The following ALDH1A3 variants were observed in gnomAD, a reference collection of about 807,000 sequenced individuals.
ALDH1A3 encodes the protein aldehyde dehydrogenase 1 family member A3, also known as retinaldehyde dehydrogenase 3.
Under a neutral mutation model 57.5 loss-of-function variants are expected in ALDH1A3, and 28 were observed. That is an observed-to-expected ratio of 0.49 (90% confidence interval 0.36 to 0.67). ALDH1A3 has a LOEUF of 0.67. Ranked by LOEUF, ALDH1A3 falls within the 30% of genes least tolerant of loss-of-function variation. The pLI is 0.00. For synonymous variants in ALDH1A3, 281 were observed against 264.8 expected, an observed-to-expected ratio of 1.06 and a Z score of -0.59; for missense variants, 507 against 669.4, an observed-to-expected ratio of 0.76 and a Z score of 2.68.
At chr15:100,895,737 G>A in intron 6 of ALDH1A3, 196 bp from the exon 7 acceptor site, 2 of 594,258 alleles carry the variant, frequency 3.4e-6, no homozygotes, top group East Asian at 2.8e-5. Flanking sequence ...TGCACACTGG[G>A]CTGGCAGCAG....
chr15:100,908,602 C>T, intron 12 of ALDH1A3, 120 bp downstream of exon 12: 1 of 871,770 alleles, frequency 1.1e-6, no homozygotes, highest in Non-Finnish European at 1.8e-6. Flanking sequence ...GCCGCTCTGT[C>T]TGGGCCAGCT....
At chr15:100,896,349 G>A (rs1288408533) in intron 7 of ALDH1A3, among the ~76,000 whole-genome samples, 2 of 152,000 alleles carry the variant, frequency 1.3e-5, no homozygotes, top group Non-Finnish European at 2.9e-5. Context: ...GAGAAAAATA[G>A]TCGTGATGCA....
chr15:100,900,875 C>A, intron 9 of ALDH1A3, 116 bp downstream of exon 9: 1 of 1,152,754 alleles, frequency 8.7e-7, no homozygotes, highest in Non-Finnish European at 1.2e-6. Flanking sequence ...CCTGTCCTGC[C>A]CAGGAGGCTT....
rs553411329 is a variant in ALDH1A3 at position 100,910,746 on chromosome 15, TG to T, written c.1466+2267del. On this transcript the variant is annotated intron_variant, in intron 12 of 12. Coordinates refer to ENST00000329841, the MANE Select transcript of ALDH1A3 (RefSeq NM_000693.4). ...CTTTCATCTGCTGCCTTCAACCAGC[TG>T]GGTCATTAGGGCTGGGGAACCCAGA... Among the ~76,000 whole-genome samples the T allele has an allele frequency of 1.7e-4, 26 of 152,326 alleles. No homozygotes were observed. In the South Asian group the frequency reaches 5.4e-3, roughly 32 times the overall value.
intron 9 of ALDH1A3, among the ~76,000 whole-genome samples, chr15:100,901,087 G>C (rs972872187): frequency 1.3e-5 from 2 of 152,146 alleles, no homozygotes; most frequent in Non-Finnish European, 1.5e-5. Context: ...TGCAGGCAGC[G>C]TGTGGCCTGG....
chr15:100,885,311 G>A lies in ALDH1A3; in HGVS notation c.144G>A (p.Lys48=), dbSNP rs2041584525. 1.2e-6 allele frequency: 2 copies of A among 1,613,952 alleles called. No homozygotes were observed. The highest frequency in any genetic ancestry group is 1.1e-5 in the South Asian group (1 of 91,084). ...NEWHESKSGK[K]FATCNPSTRE... ...GGCACGAATCCAAGAGTGGGAAAAA[G>A]TTTGCTACATGTAACCCTTCAACTC... is the stretch of plus-strand genomic sequence containing the variant. The change falls in exon 2 of 13, where the codon AAG becomes AAA. Residue 48 remains lysine (K), a synonymous_variant. Coordinates refer to ENST00000329841, the MANE Select transcript of ALDH1A3 (RefSeq NM_000693.4).
At chr15:100,907,809 T>C (rs1043793001) in intron 11 of ALDH1A3, among the ~76,000 whole-genome samples, 1 of 150,196 alleles carries the variant, frequency 6.7e-6, no homozygotes, top group African/African-American at 2.4e-5. Context: ...TTCTTATTCC[T>C]CTACACCCTG....
intron 3 of ALDH1A3, among the ~76,000 whole-genome samples, chr15:100,891,847 C>T (rs1476219987): frequency 1.3e-5 from 2 of 152,252 alleles, no homozygotes; most frequent in Non-Finnish European, 2.9e-5. Context: ...CATTGAGTGG[C>T]TGCACACTCG....
chr15:100,913,713 A>G (rs2041904880), intron 12 of ALDH1A3: 1 of 152,214 alleles, frequency 6.6e-6, no homozygotes, highest in Admixed American at 6.5e-5. Context: ...TCTGCCTACG[A>G]TAGTAGGGCT....
At position 100,893,187 on chromosome 15, in the gene ALDH1A3, T is replaced by G; in HGVS notation, c.537+181T>G. On this transcript the variant is annotated intron_variant, in intron 5 of 12. Transcript: ENST00000329841. This position sits in a 1 kb window ranked among gnomAD's most constrained non-coding sequence, Gnocchi z 4.8. ...GAGATGGATTAGACCCCATTTCTGCTCTCCTAAGACCGGCTTTAGGCATGC... is the reference window on the plus strand; with the variant it reads ...GAGATGGATTAGACCCCATTTCTGCGCTCCTAAGACCGGCTTTAGGCATGC... 1.9e-6 allele frequency: 1 copy of G among 533,414 alleles called. No homozygotes were observed. The highest frequency in any genetic ancestry group is 3.2e-5 in the Admixed American group (1 of 30,800). 33.0% of individuals were successfully genotyped at this position (533,414 alleles called of 1,614,324 possible). A position where few individuals can be genotyped will look rare whatever the true frequency, so the allele number is the denominator to read the frequency against.
rs749906748 is a variant in ALDH1A3, at chr15:100,892,428, C to G, written c.346-82C>G. ...GCAATGTCCTAGGACTGTGTTCTCT[C>G]CCCAACTTCCATCTTTAACAACCTG... On this transcript the variant is annotated intron_variant, in intron 3 of 12. Transcript: ENST00000329841. 7.5e-5 allele frequency: 119 copies of G among 1,593,058 alleles called. 1 individual carries two copies. The highest frequency in any genetic ancestry group is 6.7e-4 in the Middle Eastern group (4 of 5,984).
intron 6 of ALDH1A3, chr15:100,895,690 C>A (rs922334762): frequency 8.3e-5 from 46 of 556,534 alleles, no homozygotes; most frequent in African/African-American, 7.1e-4. Context: ...GGGGTCCCCC[C>A]CCAGAAGGAG....
intron 1 of ALDH1A3, chr15:100,880,261 C>T (rs866463639): frequency 5.2e-6 from 2 of 387,362 alleles, no homozygotes; most frequent in Non-Finnish European, 9.1e-6. Flanking sequence ...CCGCGCGGGG[C>T]CGGGCCGCCC....
At chr15:100,914,501 T>G in intron 12 of ALDH1A3, 200 bp from the exon 13 acceptor site, 1 of 508,394 alleles carries the variant, frequency 2.0e-6, no homozygotes, top group Non-Finnish European at 3.5e-6. Flanking sequence ...ACCTTGATAT[T>G]TACATTTAAG....
Position 100,908,324 on chromosome 15 carries a change from T to C in ALDH1A3, c.1392-84T>C. ...AAAGACTGTTTATTAGACAATGCCCTGCACTGGGGGCTAAGTGGCTGCAGT... is the reference window on the plus strand; with the variant it reads ...AAAGACTGTTTATTAGACAATGCCCCGCACTGGGGGCTAAGTGGCTGCAGT... On this transcript the variant is annotated intron_variant, in intron 11 of 12. Coordinates refer to ENST00000329841, the MANE Select transcript of ALDH1A3 (RefSeq NM_000693.4). The C allele has an allele frequency of 2.6e-6, 3 of 1,143,788 alleles. No individual in the cohort carries two copies. In the Admixed American group the frequency reaches 5.4e-5, roughly 21 times the overall value. The allele number at this position is 1,143,788 out of a possible 1,614,324, so 70.9% of individuals were successfully genotyped here.
At position 100,909,861 on chromosome 15, in the gene ALDH1A3, C is replaced by T. The variant is rs573504980; in HGVS notation, c.1466+1379C>T. On this transcript the variant is annotated intron_variant, in intron 12 of 12. Transcript: ENST00000329841. ...GTTCCCAAGGAACCATCTGTGACAA[C>T]ACCCCAGGTTCCTGGGACATCTCTA... Among the ~76,000 whole-genome samples, 40 of 152,388 alleles carry T rather than the reference C, an allele frequency of 2.6e-4. No homozygotes were observed. In the South Asian group the frequency reaches 7.2e-3, roughly 28 times the overall value.
chr15:100,907,094 C>T (rs1199756798), intron 10 of ALDH1A3, 27 bp from the exon 11 acceptor site: 3 of 1,608,264 alleles, frequency 1.9e-6, no homozygotes, highest in Non-Finnish European at 2.6e-6. Context: ...TCATGCCTCT[C>T]ATTGCCATTC....
chr15:100,893,769 C>T lies in ALDH1A3; in HGVS notation c.538-185C>T, dbSNP rs2141556133. On this transcript the variant is annotated intron_variant, in intron 5 of 12. Coordinates refer to ENST00000329841, the MANE Select transcript of ALDH1A3 (RefSeq NM_000693.4). This position sits in a 1 kb window ranked among gnomAD's most constrained non-coding sequence, Gnocchi z 4.8. ...GCAAAGGCTGCCTATTAGTACCACC[C>T]AGAATGCAGTTTAGGAAGTGCTGTG... 1.4e-6 allele frequency: 1 copy of T among 703,104 alleles called. No homozygotes were observed. Among genetic ancestry groups the T allele is most frequent in the Non-Finnish European group, 2.3e-6 (1 of 442,882 alleles). 43.6% of individuals were successfully genotyped at this position (703,104 alleles called of 1,614,324 possible). A position where few individuals can be genotyped will look rare whatever the true frequency, so the allele number is the denominator to read the frequency against.
rs4646661 is a variant in ALDH1A3 at position 100,887,948 on chromosome 15, T to G, written c.345+236T>G. On this transcript the variant is annotated intron_variant, in intron 3 of 12. Transcript: ENST00000329841. The surrounding 1 kb of genome is among the most constrained non-coding windows in gnomAD (Gnocchi z 4.6). ...CTGCAGCTCAGCTTCTTGACCAAGT[T>G]GTTGTCTATAGGCAGTTGAGCTACA... 0.011 allele frequency among the ~76,000 whole-genome samples: 1,690 copies of G among 152,258 alleles called. 26 individuals are homozygous for G. The highest frequency in any genetic ancestry group is 0.024 in the African/African-American group (977 of 41,538).
Sources: allele counts gnomAD v4.1 joint callset (sites outside exome capture counted in the v4.1 genomes callset), GRCh38; gene constraint gnomAD v4.1.1; non-coding constraint Gnocchi (gnomAD v3.1); transcripts MANE v1.5; gene names NCBI Gene and HGNC (gene_info 2026-07-23, HGNC 2026-07-21).